The following XPOT variants were observed in gnomAD, a reference collection of about 807,000 sequenced individuals.
The protein encoded by XPOT is exportin-T.
A neutral mutation model predicts 128.2 loss-of-function variants in XPOT; 34 were observed. The ratio of observed to expected loss-of-function variants is 0.27; its 90% CI spans 0.20 to 0.35. XPOT has a LOEUF of 0.35. Among genes scored for constraint, XPOT ranks in the 10% least tolerant of loss-of-function variants. The pLI, the probability that XPOT is intolerant of heterozygous loss-of-function variation, is 1.00. For missense variants in XPOT, 838 were observed against 1,125.3 expected (o/e 0.74, Z 3.65); for synonymous variants, 348 against 394.3 (o/e 0.88, Z 1.39).
chr12:64,406,273 A>G (rs2039981783), intron 1 of XPOT, among the ~76,000 whole-genome samples: 1 of 147,656 alleles, frequency 6.8e-6, no homozygotes, highest in East Asian at 2.1e-4. Flanking sequence ...ACGGCGTTTC[A>G]CCGTGTTGGT....
chr12:64,409,972 ATTC>A lies in XPOT; in HGVS notation c.-59_-57del, dbSNP rs2040021884. On this transcript the variant is annotated 5_prime_UTR_variant, in exon 2 of 25. Transcript: ENST00000332707. Reference sequence around the variant, plus strand: ...TGTTTTTTGTGGCAGATGTTTATAAATTCTTCTGTGGGATCAGAGGGCACGCCT... The same window carrying A: ...TGTTTTTTGTGGCAGATGTTTATAAATTCTGTGGGATCAGAGGGCACGCCT... 7.2e-7 allele frequency: 1 copy of A among 1,386,582 alleles called. No individual in the cohort carries two copies. Among genetic ancestry groups the A allele is most frequent in the Non-Finnish European group, 1.0e-6 (1 of 983,378 alleles). 85.9% of individuals were successfully genotyped at this position (1,386,582 alleles called of 1,614,324 possible).
intron 18 of XPOT, among the ~76,000 whole-genome samples, chr12:64,432,314 C>A (rs947803017): frequency 6.6e-6 from 1 of 151,824 alleles, no homozygotes; most frequent in African/African-American, 2.4e-5. Flanking sequence ...GGCGCGGTCA[C>A]AACTCACTGC....
rs929479347 is a variant in XPOT at position 64,421,413 on chromosome 12, A to G, written c.1022A>G (p.Asp341Gly). 2 of 1,614,092 alleles carry G rather than the reference A, an allele frequency of 1.2e-6. No homozygotes were observed. The highest frequency in any genetic ancestry group is 1.7e-6 in the Non-Finnish European group (2 of 1,179,968). The change falls in exon 9 of 25, where the codon GAT (aspartate) becomes GGT (glycine). Residue 341 changes from aspartate (D) to glycine (G), a missense_variant. Physicochemically the swap from Asp to Gly is moderately conservative, Grantham distance 94 (BLOSUM62 -1). Around this residue, in one of 3 missense-constraint regions of XPOT, gnomAD observed 761 missense variants for 988.3 expected, o/e 0.77. Transcript: ENST00000332707. ...TTGCAGCTACTAATTCATGAGGATG[A>G]TGATATTTCTTCTAATATTATTGGA... ...LMLQLLIHED[D>G]DISSNIIGFC...
At chr12:64,442,637 G>A (rs1202838546) in intron 23 of XPOT, 1 of 152,390 alleles carries the variant, frequency 6.6e-6, no homozygotes, top group Non-Finnish European at 1.5e-5. Context: ...AGGCCAAAAT[G>A]AGCTGGGTGA....
intron 16 of XPOT, among the ~76,000 whole-genome samples, chr12:64,429,570 G>A (rs1481487661): frequency 3.3e-5 from 5 of 151,790 alleles, no homozygotes; most frequent in African/African-American, 4.8e-5. Flanking sequence ...AGCCTCCCGC[G>A]TAGCTGGGAC....
At chr12:64,415,521 C>G (rs1279645467) in intron 3 of XPOT, among the ~76,000 whole-genome samples, 1 of 151,948 alleles carries the variant, frequency 6.6e-6, no homozygotes, top group African/African-American at 2.4e-5. Flanking sequence ...ACTACAGGTG[C>G]CCATCACCAT....
intron 21 of XPOT, 142 bp downstream of exon 21, chr12:64,435,051 T>G (rs1430702323): frequency 1.5e-6 from 1 of 670,594 alleles, no homozygotes; most frequent in African/African-American, 1.8e-5. Flanking sequence ...TTTTAAAGAT[T>G]TATGATACCT....
rs780666740 is a variant in XPOT at position 64,445,098 on chromosome 12, G to C, written c.2829G>C (p.Gln943His). Residue 943 changes from glutamine to histidine, a missense_variant, in exon 24 of 25, where the codon CAG becomes CAC. Physicochemically the swap from Gln to His is conservative, Grantham distance 24. Around this residue, in one of 3 missense-constraint regions of XPOT, gnomAD observed 56 missense variants for 79.2 expected, o/e 0.71. Transcript: ENST00000332707. The part of the protein sequence containing the change: ...IIQEFCQALQ[Q>H]PDAKVFKNYL... The stretch of plus-strand genomic sequence containing the variant: ...AGGAGTTTTGTCAAGCGCTTCAGCA[G>C]CCTGATGCTAAAGTTTTTAAAAATT... 6 of 1,609,938 alleles carry C rather than the reference G, an allele frequency of 3.7e-6. No homozygotes were observed. The Admixed American group carries it at 6.7e-5, about 18-fold the overall frequency.
At chr12:64,419,270 A>T (rs979726767) in intron 6 of XPOT, among the ~76,000 whole-genome samples, 176 bp downstream of exon 6, 2 of 151,868 alleles carry the variant, frequency 1.3e-5, no homozygotes, top group African/African-American at 4.8e-5. Flanking sequence ...AAACTTGGTT[A>T]TTTTTTTTCC....
At chr12:64,429,466 A>T (rs1301646449) in intron 16 of XPOT, among the ~76,000 whole-genome samples, 3 of 150,154 alleles carry the variant, frequency 2.0e-5, no homozygotes, top group African/African-American at 4.9e-5. Flanking sequence ...TTTTTGAGAC[A>T]GAGTCTTGGC....
intron 9 of XPOT, among the ~76,000 whole-genome samples, chr12:64,422,619 C>T (rs989029610): frequency 3.9e-5 from 6 of 152,150 alleles, no homozygotes; most frequent in African/African-American, 1.4e-4. Flanking sequence ...TGATTACAGG[C>T]CAGGCATAAT....
At chr12:64,441,949 G>C (rs2040328235) in intron 23 of XPOT, among the ~76,000 whole-genome samples, 1 of 152,032 alleles carries the variant, frequency 6.6e-6, no homozygotes, top group Non-Finnish European at 1.5e-5. Context: ...AAAGTCCCAG[G>C]ATTACGGGCG....
At chr12:64,438,099 A>G (rs1278827165) in intron 22 of XPOT, among the ~76,000 whole-genome samples, 1 of 152,210 alleles carries the variant, frequency 6.6e-6, no homozygotes, top group Admixed American at 6.5e-5. Context: ...TAAACAGTCA[A>G]GGTGGATGTG....
At chr12:64,437,326 A>G (rs1245414623) in intron 22 of XPOT, among the ~76,000 whole-genome samples, 1 of 152,222 alleles carries the variant, frequency 6.6e-6, no homozygotes. Flanking sequence ...GATACATAAA[A>G]TATTGTGGAA....
intron 16 of XPOT, among the ~76,000 whole-genome samples, chr12:64,429,793 A>G (rs2040223695): frequency 6.6e-6 from 1 of 152,224 alleles, no homozygotes; most frequent in African/African-American, 2.4e-5. Context: ...AAAACAAGTT[A>G]GAAAGCTAAC....
chr12:64,441,609 C>T (rs147331714), intron 23 of XPOT, among the ~76,000 whole-genome samples: 222 of 152,224 alleles, frequency 1.5e-3, no homozygotes, highest in Non-Finnish European at 2.4e-3. Flanking sequence ...AACTCTTATA[C>T]GGATTGCCTT....
At chr12:64,432,121 C>T (rs888680084) in intron 18 of XPOT, among the ~76,000 whole-genome samples, 1 of 152,162 alleles carries the variant, frequency 6.6e-6, no homozygotes, top group Admixed American at 6.5e-5. Flanking sequence ...ACTAAATAAG[C>T]ACCATAATTC....
intron 3 of XPOT, among the ~76,000 whole-genome samples, chr12:64,415,403 C>A (rs1259821544): frequency 1.3e-5 from 2 of 151,576 alleles, no homozygotes; most frequent in African/African-American, 4.8e-5. Context: ...GAGATGGAGT[C>A]TCGCTTTGTC....
At chr12:64,436,706 G>C (rs1269471793) in intron 22 of XPOT, among the ~76,000 whole-genome samples, 1 of 151,944 alleles carries the variant, frequency 6.6e-6, no homozygotes, top group African/African-American at 2.4e-5. Context: ...TCAGCCTCCT[G>C]AATAGCTGGG....
Sources: allele counts gnomAD v4.1 joint callset (sites outside exome capture counted in the v4.1 genomes callset), GRCh38; gene constraint gnomAD v4.1.1; regional missense constraint gnomAD v4.1.1; transcripts MANE v1.5; gene names NCBI Gene and HGNC (gene_info 2026-07-23, HGNC 2026-07-21).